Variants in PRMT2 observed in about 807,000 individuals in gnomAD.
The protein encoded by PRMT2 is protein arginine N-methyltransferase 2.
PRMT2 carries 26 observed loss-of-function variants against 57.6 expected under a neutral mutation model. The observed-to-expected ratio is 0.45, with a 90% CI of 0.33 to 0.63. The LOEUF is 0.63. PRMT2 is among the 20% of genes least tolerant of loss of function. The probability of loss-of-function intolerance (pLI) is 0.02; values close to 1 mark genes in which losing one functional copy is unlikely to be tolerated. For synonymous variants in PRMT2, 219 were observed against 220.0 expected (o/e 1.00, Z 0.04); for missense variants, 472 against 564.4 (o/e 0.84, Z 1.66).
At chr21:46,639,708 T>TTGTGTGTG (rs538598625) in intron 3 of PRMT2, among the ~76,000 whole-genome samples, 1 of 148,986 alleles carries the variant, frequency 6.7e-6, no homozygotes, top group African/African-American at 2.5e-5. Flanking sequence ...GTGTGTGTGT[T>TTGTGTGTG]TGTGTGTGTG....
In PRMT2 at chr21:46,663,461, A is replaced by C; in HGVS notation, c.1176A>C (p.Ser392=). The C allele has an allele frequency of 6.2e-7, 1 of 1,614,168 alleles. No homozygotes were observed. The highest frequency in any genetic ancestry group is 8.5e-7 in the Non-Finnish European group (1 of 1,180,008). ...PVHTGDVVTG[S]VVLQRNPVWR... ...ATACAGGAGACGTGGTCACGGGTTC[A>C]GTTGTGTTGCAGAGAAACCCAGTGT... The change falls in exon 11 of 12, where the codon TCA becomes TCC. Residue 392 remains serine (S), a synonymous_variant. Coordinates refer to ENST00000355680, the MANE Select transcript of PRMT2 (RefSeq NM_206962.4).
chr21:46,650,009 C>T, intron 7 of PRMT2: 1 of 1,400,696 alleles, frequency 7.1e-7, no homozygotes. Context: ...CCTCGGGGAT[C>T]TGTAAAAATC....
At position 46,659,205 on chromosome 21, in the gene PRMT2, T is replaced by C. The variant is rs186274664; in HGVS notation, c.830+285T>C. On this transcript the variant is annotated intron_variant, in intron 8 of 11. Coordinates refer to ENST00000355680, the MANE Select transcript of PRMT2 (RefSeq NM_206962.4). ...AGTGAGGGCCAAGTCAGCAAATTAT[T>C]CTGGAGCAGTTGATTAGCCCTTGTT... The C allele has an allele frequency of 3.0e-4, 349 of 1,156,404 alleles. 3 individuals are homozygous for C. The highest frequency in any genetic ancestry group is 8.7e-5 in the Non-Finnish European group (81 of 935,674). The allele number at this position is 1,156,404 out of a possible 1,614,324, so 71.6% of individuals were successfully genotyped here. A position where few individuals can be genotyped will look rare whatever the true frequency, so the allele number is the denominator to read the frequency against.
chr21:46,644,465 T>C lies in PRMT2; in HGVS notation c.304T>C (p.Tyr102His), dbSNP rs1489171098. The change falls in exon 5 of 12, where the codon TAC (tyrosine) becomes CAC (histidine). Residue 102 changes from tyrosine (Y) to histidine (H), a missense_variant. Physicochemically the swap from Tyr to His is moderately conservative, Grantham distance 83. Around this residue, in one of 2 missense-constraint regions of PRMT2, gnomAD observed 243 missense variants for 347.2 expected, o/e 0.70. Transcript: ENST00000355680. Reference sequence around the variant, plus strand: ...CGAGGACACGTGGCAGGATGAAGAGTACTTCGGCAGCTATGGAACTCTGGT... The same window carrying C: ...CGAGGACACGTGGCAGGATGAAGAGCACTTCGGCAGCTATGGAACTCTGGT... Reference protein sequence around the residue: ...DPEDTWQDEEYFGSYGTLKLH... With the variant: ...DPEDTWQDEEHFGSYGTLKLH... 4 of 1,587,646 alleles carry C rather than the reference T, an allele frequency of 2.5e-6. No homozygotes were observed. Among genetic ancestry groups the C allele is most frequent in the Non-Finnish European group, 3.4e-6 (4 of 1,168,614 alleles).
At chr21:46,640,732 C>A (rs2061257911) in intron 3 of PRMT2, among the ~76,000 whole-genome samples, 1 of 151,390 alleles carries the variant, frequency 6.6e-6, no homozygotes, top group African/African-American at 2.4e-5. Context: ...TTGGAAAAAT[C>A]TCCACCATTA....
intron 10 of PRMT2, 23 bp from the exon 11 acceptor site, chr21:46,663,360 T>C: frequency 6.3e-7 from 1 of 1,596,098 alleles, no homozygotes; most frequent in Non-Finnish European, 8.6e-7. Flanking sequence ...AGCCTCCAGG[T>C]CACACGCACC....
intron 1 of PRMT2, chr21:46,636,069 TGGCGGCCC>T (rs2148954951): frequency 6.5e-6 from 1 of 153,218 alleles, no homozygotes; most frequent in South Asian, 2.0e-4. Context: ...CCCACCTGCC[TGGCGGCCC>T]CTGCCCCGAA....
At position 46,653,977 on chromosome 21, in the gene PRMT2, C is replaced by T. The variant is rs1200366949; in HGVS notation, c.654+4238C>T. 2.0e-5 allele frequency: 20 copies of T among 1,001,378 alleles called. 1 individual carries two copies. In the Middle Eastern group the frequency reaches 2.0e-3, roughly 100 times the overall value. 62.0% of individuals were successfully genotyped at this position (1,001,378 alleles called of 1,614,324 possible). On this transcript the variant is annotated intron_variant, in intron 7 of 11. Coordinates refer to ENST00000355680, the MANE Select transcript of PRMT2 (RefSeq NM_206962.4). ...GGCGTGGAGCATTTCCGAACTTTCA[C>T]GTCATAAAAAATGCAGCATAGTTAA...
At chr21:46,653,481 G>T in intron 7 of PRMT2, 1 of 1,010,066 alleles carries the variant, frequency 9.9e-7, no homozygotes, top group Non-Finnish European at 1.2e-6. Flanking sequence ...AAGAGGATAA[G>T]CGTAAACACG....
chr21:46,653,758 A>G, intron 7 of PRMT2: 1 of 1,173,944 alleles, frequency 8.5e-7, no homozygotes. Context: ...CCTTGGTTTT[A>G]AAGCTTGCCT....
chr21:46,639,821 T>C (rs1488854962), intron 3 of PRMT2, among the ~76,000 whole-genome samples: 1 of 152,146 alleles, frequency 6.6e-6, no homozygotes, highest in Non-Finnish European at 1.5e-5. Flanking sequence ...TTTTTGTTTC[T>C]CTGTTAAACA....
intron 7 of PRMT2, chr21:46,657,263 C>T (rs1054780176): frequency 6.6e-6 from 1 of 151,986 alleles, no homozygotes; most frequent in Non-Finnish European, 1.5e-5. Flanking sequence ...CTTGTATGTG[C>T]ACTCACCTTA....
intron 7 of PRMT2, among the ~76,000 whole-genome samples, chr21:46,650,358 T>C (rs1023441547): frequency 3.9e-5 from 6 of 152,090 alleles, no homozygotes; most frequent in African/African-American, 1.4e-4. Flanking sequence ...AACCTGAAAC[T>C]TTGTCTCAGT....
In PRMT2 at chr21:46,664,514, G is replaced by A; in HGVS notation, c.*187G>A. 1.4e-6 allele frequency: 1 copy of A among 725,164 alleles called. No homozygotes were observed. Among genetic ancestry groups the A allele is most frequent in the Admixed American group, 2.3e-5 (1 of 44,242 alleles). The allele number at this position is 725,164 out of a possible 1,614,324, so 44.9% of individuals were successfully genotyped here. A position where few individuals can be genotyped will look rare whatever the true frequency, so the allele number is the denominator to read the frequency against. On this transcript the variant is annotated 3_prime_UTR_variant, in exon 12 of 12. Coordinates refer to ENST00000355680, the MANE Select transcript of PRMT2 (RefSeq NM_206962.4). ...CAGACAAACACGCTTGGGCTCGGCAGGAGCTGCCGTGGCCACCCCCGCTGC... is the reference window on the plus strand; with the variant it reads ...CAGACAAACACGCTTGGGCTCGGCAAGAGCTGCCGTGGCCACCCCCGCTGC...
At chr21:46,636,313 A>G (rs1458244154) in intron 1 of PRMT2, 126 bp from the exon 2 acceptor site, 1 of 152,356 alleles carries the variant, frequency 6.6e-6, no homozygotes, top group Non-Finnish European at 1.5e-5. Context: ...AAATATAATT[A>G]TGCAAATCAG....
intron 3 of PRMT2, among the ~76,000 whole-genome samples, chr21:46,641,380 G>T (rs531098363): frequency 6.6e-6 from 1 of 152,280 alleles, no homozygotes; most frequent in African/African-American, 2.4e-5. Flanking sequence ...TTTCCAGAAG[G>T]TATTGTGTAA....
At chr21:46,663,592 C>T (rs1467819468) in intron 11 of PRMT2, 38 bp downstream of exon 11, 5 of 1,595,214 alleles carry the variant, frequency 3.1e-6, no homozygotes, top group South Asian at 2.2e-5. Flanking sequence ...CCTGTGGGTG[C>T]CGGTCCTCAG....
Position 46,664,443 on chromosome 21 carries a change from C to G in PRMT2, c.*116C>G, listed in dbSNP as rs755087629. Reference sequence around the variant, plus strand: ...TGCGAAAGTCGGTGAACATTCACTCCACATTGACCCCTCCCTAGCCTGGCA... The same window carrying G: ...TGCGAAAGTCGGTGAACATTCACTCGACATTGACCCCTCCCTAGCCTGGCA... On this transcript the variant is annotated 3_prime_UTR_variant, in exon 12 of 12. Coordinates refer to ENST00000355680, the MANE Select transcript of PRMT2 (RefSeq NM_206962.4). The G allele has an allele frequency of 4.0e-5, 52 of 1,295,264 alleles. No homozygotes were observed. Among genetic ancestry groups the G allele is most frequent in the Non-Finnish European group, 5.8e-5 (52 of 900,380 alleles). 80.2% of individuals were successfully genotyped at this position (1,295,264 alleles called of 1,614,324 possible).
chr21:46,644,927 G>A (rs1056062455), intron 5 of PRMT2, among the ~76,000 whole-genome samples: 3 of 151,968 alleles, frequency 2.0e-5, no homozygotes, highest in African/African-American at 7.3e-5. Context: ...AAAAAAAGCA[G>A]TAAATTTTAC....
Sources: gnomAD v4.1 joint callset for allele counts (sites outside exome capture counted in the v4.1 genomes callset) on GRCh38, gnomAD v4.1.1 for gene constraint, gnomAD v4.1.1 regional missense constraint, MANE v1.5 for transcripts, NCBI Gene and HGNC (gene_info 2026-07-23, HGNC 2026-07-21) for gene names.